Variants in EXOC6 observed in about 807,000 individuals in gnomAD.
EXOC6 encodes SEC15-like 1.
A neutral mutation model predicts 112.5 loss-of-function variants in EXOC6; 60 were observed. The observed-to-expected ratio is 0.53, with a 90% confidence interval of 0.43 to 0.66. EXOC6 has a LOEUF of 0.66. Among genes scored for constraint, EXOC6 ranks in the 30% least tolerant of loss-of-function variants. The pLI, the probability that EXOC6 is intolerant of heterozygous loss-of-function variation, is 0.00. For synonymous variants in EXOC6, 295 were observed against 308.0 expected, an observed-to-expected ratio of 0.96 and a Z score of 0.44; for missense variants, 855 against 957.1, an observed-to-expected ratio of 0.89 and a Z score of 1.41.
At chr10:92,897,612 A>G (rs1303481244) in intron 4 of EXOC6, among the ~76,000 whole-genome samples, 3 of 152,188 alleles carry the variant, frequency 2.0e-5, no homozygotes, top group Non-Finnish European at 2.9e-5. Context: ...TTCCTTATGG[A>G]CAAAGGACAG....
chr10:92,929,221 AT>A (rs922467365), intron 9 of EXOC6, among the ~76,000 whole-genome samples: 1 of 152,230 alleles, frequency 6.6e-6, no homozygotes, highest in African/African-American at 2.4e-5. Context: ...CCTCTGGCGA[AT>A]ACTGTAAGGA....
At chr10:93,055,798 C>G (rs1302848765) in intron 20 of EXOC6, among the ~76,000 whole-genome samples, 1 of 152,238 alleles carries the variant, frequency 6.6e-6, no homozygotes, top group East Asian at 1.9e-4. Flanking sequence ...CTGCCTGTTG[C>G]AAGAAAATCT....
intron 1 of EXOC6, among the ~76,000 whole-genome samples, chr10:92,829,356 C>T (rs1157021390): frequency 1.3e-5 from 2 of 152,188 alleles, no homozygotes; most frequent in South Asian, 2.1e-4. Flanking sequence ...CCCATTCGGG[C>T]GCCCCTCTCT....
At chr10:92,931,388 AT>A (rs1451473064) in intron 9 of EXOC6, among the ~76,000 whole-genome samples, 6 of 151,002 alleles carry the variant, frequency 4.0e-5, no homozygotes, top group East Asian at 4.0e-4. Flanking sequence ...CTGTCAGGCT[AT>A]TTTTTTTAGT....
chr10:92,828,976 T>C (rs1363849523), intron 1 of EXOC6, among the ~76,000 whole-genome samples: 1 of 152,128 alleles, frequency 6.6e-6, no homozygotes, highest in Non-Finnish European at 1.5e-5. Flanking sequence ...CCAAATCATT[T>C]TCTTTTCTAA....
At chr10:92,916,334 AC>A (rs1851086292) in intron 7 of EXOC6, among the ~76,000 whole-genome samples, 1 of 152,044 alleles carries the variant, frequency 6.6e-6, no homozygotes, top group Non-Finnish European at 1.5e-5. Context: ...ACATGGTGAA[AC>A]CCTGTCTCTA....
chr10:93,037,070 A>G (rs1361606966), intron 20 of EXOC6, among the ~76,000 whole-genome samples: 1 of 152,070 alleles, frequency 6.6e-6, no homozygotes, highest in Non-Finnish European at 1.5e-5. Flanking sequence ...TAACATTGGC[A>G]TTACTCAACA....
At chr10:92,845,664 G>T (rs1331235113), upstream of EXOC6, among the ~76,000 whole-genome samples, 1 of 151,946 alleles carries the variant, frequency 6.6e-6, no homozygotes, top group Non-Finnish European at 1.5e-5. Context: ...TAGGGCCGGG[G>T]ACGGTGGCTC....
At chr10:92,939,405 CAG>C (rs1012364845) in intron 12 of EXOC6, among the ~76,000 whole-genome samples, 16 of 151,558 alleles carry the variant, frequency 1.1e-4, no homozygotes, top group Middle Eastern at 3.2e-3. Flanking sequence ...GGTGACTACT[CAG>C]TGTGTGTGTG....
At chr10:92,955,292 T>G (rs374448767) in intron 16 of EXOC6, among the ~76,000 whole-genome samples, 1 of 152,126 alleles carries the variant, frequency 6.6e-6, no homozygotes, top group Non-Finnish European at 1.5e-5. Context: ...ACAATCCTAA[T>G]TTTTTACTTG....
rs199979700 is a variant in EXOC6, at chr10:92,948,428, G to T, written c.1416+49G>T. ...GGATTTTCTTAAAAATAAATTCATAGTATTTGTTACTACATAATATTAAAT... is the reference window on the plus strand; with the variant it reads ...GGATTTTCTTAAAAATAAATTCATATTATTTGTTACTACATAATATTAAAT... On this transcript the variant is annotated intron_variant, in intron 14 of 21. Coordinates refer to ENST00000260762, the MANE Select transcript of EXOC6 (RefSeq NM_019053.6). The T allele has an allele frequency of 1.7e-4, 193 of 1,132,400 alleles. 1 individual carries two copies. The African/African-American group carries it at 2.7e-3, about 16-fold the overall frequency. 70.1% of individuals were successfully genotyped at this position (1,132,400 alleles called of 1,614,324 possible).
intron 1 of EXOC6, among the ~76,000 whole-genome samples, chr10:92,865,351 T>C (rs1848123765): frequency 6.6e-6 from 1 of 151,978 alleles, no homozygotes; most frequent in Non-Finnish European, 1.5e-5. Flanking sequence ...CTGGCCACCA[T>C]GGTGAAACCC....
At chr10:92,935,778 C>T (rs373123688) in intron 11 of EXOC6, 36 bp from the exon 12 acceptor site, 41 of 1,378,442 alleles carry the variant, frequency 3.0e-5, no homozygotes, top group African/African-American at 2.9e-4. Flanking sequence ...TTGTTGTTGT[C>T]GGTGTTTTGT....
Position 93,058,394 on chromosome 10 carries a change from A to G in EXOC6, c.*39A>G. ...TGCACTCAGTGACACCAAATCCATG[A>G]TTCAATGTTGATCTTGAGCAAGTAT... is the stretch of plus-strand genomic sequence containing the variant. On this transcript the variant is annotated 3_prime_UTR_variant, in exon 22 of 22. Transcript: ENST00000260762. The G allele has an allele frequency of 1.3e-6, 2 of 1,536,514 alleles. No homozygotes were observed. Among genetic ancestry groups the G allele is most frequent in the Non-Finnish European group, 1.7e-6 (2 of 1,144,964 alleles).
intron 18 of EXOC6, among the ~76,000 whole-genome samples, chr10:92,984,316 G>A (rs1224993624): frequency 6.6e-6 from 1 of 151,898 alleles, no homozygotes; most frequent in Non-Finnish European, 1.5e-5. Context: ...AGTGAATATT[G>A]TACCTTCATC....
At chr10:93,038,952 A>G (rs528881015) in intron 20 of EXOC6, among the ~76,000 whole-genome samples, 4 of 152,184 alleles carry the variant, frequency 2.6e-5, no homozygotes, top group Non-Finnish European at 5.9e-5. Flanking sequence ...AGAGAACTCA[A>G]CGCTGCCAAC....
intron 1 of EXOC6, among the ~76,000 whole-genome samples, chr10:92,842,090 G>A (rs1383363243): frequency 2.6e-5 from 4 of 151,988 alleles, no homozygotes; most frequent in Admixed American, 6.6e-5. Context: ...GCCGGGTGCA[G>A]TGGCTCACGC....
chr10:92,864,634 A>C (rs1848085581), intron 1 of EXOC6, among the ~76,000 whole-genome samples: 1 of 143,256 alleles, frequency 7.0e-6, no homozygotes, highest in Admixed American at 7.3e-5. Flanking sequence ...ATGTGGGTGG[A>C]CATTCAATCC....
chr10:93,056,893 G>A lies in EXOC6; in HGVS notation c.2170-31G>A, dbSNP rs777232269. 8.7e-6 allele frequency: 11 copies of A among 1,263,658 alleles called. No homozygotes were observed. In the Admixed American group the frequency reaches 2.0e-4, roughly 23 times the overall value. 78.3% of individuals were successfully genotyped at this position (1,263,658 alleles called of 1,614,324 possible). A position where few individuals can be genotyped will look rare whatever the true frequency, so the allele number is the denominator to read the frequency against. The stretch of plus-strand genomic sequence containing the variant: ...GTATTAACTGGGTAAATAATCAAAA[G>A]TTGATTTAACATTTCCCCCATCTTT... On this transcript the variant is annotated intron_variant, in intron 20 of 21. Coordinates refer to ENST00000260762, the MANE Select transcript of EXOC6 (RefSeq NM_019053.6).
Sources: allele counts gnomAD v4.1 joint callset (sites outside exome capture counted in the v4.1 genomes callset), GRCh38; gene constraint gnomAD v4.1.1; transcripts MANE v1.5; gene names NCBI Gene and HGNC (gene_info 2026-07-23, HGNC 2026-07-21).